Variants in HS6ST3 observed in about 807,000 individuals in gnomAD.
HS6ST3 encodes heparan-sulfate 6-O-sulfotransferase 3.
Under a neutral mutation model 36.7 loss-of-function variants are expected in HS6ST3, and 12 were observed. The observed-to-expected ratio is 0.33, with a 90% confidence interval of 0.21 to 0.53. HS6ST3 has a LOEUF of 0.53. Ranked by LOEUF, HS6ST3 falls within the 20% of genes least tolerant of loss-of-function variation. The pLI, the probability that HS6ST3 is intolerant of heterozygous loss-of-function variation, is 0.95. For synonymous variants in HS6ST3, 240 were observed against 257.5 expected, an observed-to-expected ratio of 0.93 and a Z score of 0.65; for missense variants, 584 against 640.9, an observed-to-expected ratio of 0.91 and a Z score of 0.96.
At chr13:96,305,571 A>G (rs963921776) in intron 1 of HS6ST3, among the ~76,000 whole-genome samples, 12 of 152,294 alleles carry the variant, frequency 7.9e-5, no homozygotes, top group Admixed American at 7.8e-4. Flanking sequence ...AAAATAATGT[A>G]CATTTTTTAC....
At chr13:96,364,764 G>A (rs1398405440) in intron 1 of HS6ST3, among the ~76,000 whole-genome samples, 1 of 152,130 alleles carries the variant, frequency 6.6e-6, no homozygotes, top group Non-Finnish European at 1.5e-5. Context: ...CTCAAGTTTT[G>A]TGTTATGTAT....
intron 1 of HS6ST3, among the ~76,000 whole-genome samples, chr13:96,241,428 G>T (rs896823535): frequency 1.3e-5 from 2 of 151,246 alleles, no homozygotes; most frequent in African/African-American, 4.9e-5. Context: ...TGAAATAATT[G>T]AAAAAAAGCA....
Position 96,408,218 on chromosome 13 carries a change from A to G in HS6ST3, c.707+316649A>G, listed in dbSNP as rs1339486771. On this transcript the variant is annotated intron_variant, in intron 1 of 1. Transcript: ENST00000376705. ...CTCCCAAAGTGCTGGGATTACAAGT[A>G]TGAGCCACCATGCCTAGCCTGCATT... Among the ~76,000 whole-genome samples the G allele has an allele frequency of 2.0e-4, 30 of 152,062 alleles. 1 individual carries two copies. The highest frequency in any genetic ancestry group is 1.9e-3 in the Admixed American group (29 of 15,262).
At chr13:96,132,164 AC>A (rs2053979425) in intron 1 of HS6ST3, among the ~76,000 whole-genome samples, 1 of 150,548 alleles carries the variant, frequency 6.6e-6, no homozygotes, top group Non-Finnish European at 1.5e-5. Context: ...ACACACACAC[AC>A]ACACACAGAG....
chr13:96,498,010 C>T (rs764076177), intron 1 of HS6ST3, among the ~76,000 whole-genome samples: 1 of 152,136 alleles, frequency 6.6e-6, no homozygotes, highest in Non-Finnish European at 1.5e-5. Context: ...TGGTTATATA[C>T]CCTTCTTCTT....
At chr13:96,339,603 A>G (rs893974883) in intron 1 of HS6ST3, among the ~76,000 whole-genome samples, 2 of 152,222 alleles carry the variant, frequency 1.3e-5, no homozygotes, top group African/African-American at 4.8e-5. Flanking sequence ...ATCAAAGACT[A>G]TCAAGCGATC....
chr13:96,749,419 A>T (rs1444649405), intron 1 of HS6ST3, among the ~76,000 whole-genome samples: 15 of 152,168 alleles, frequency 9.9e-5, no homozygotes, highest in Admixed American at 9.2e-4. Context: ...ATTTGTCAGT[A>T]AACATGTAGA....
intron 1 of HS6ST3, among the ~76,000 whole-genome samples, chr13:96,655,037 G>T (rs1037747967): frequency 3.3e-5 from 5 of 152,072 alleles, no homozygotes; most frequent in African/African-American, 1.2e-4. Context: ...GTCTTGGCTG[G>T]CTCACCAGTG....
intron 1 of HS6ST3, among the ~76,000 whole-genome samples, chr13:96,700,048 A>G (rs1252048453): frequency 2.0e-5 from 3 of 152,204 alleles, no homozygotes; most frequent in Non-Finnish European, 4.4e-5. Flanking sequence ...ATTTATTGAC[A>G]GTCTGGACCC....
intron 1 of HS6ST3, among the ~76,000 whole-genome samples, chr13:96,292,842 A>G (rs2054836788): frequency 6.6e-6 from 1 of 152,116 alleles, no homozygotes; most frequent in Non-Finnish European, 1.5e-5. Context: ...TTCACATTTT[A>G]CAGTGAAAAT....
intron 1 of HS6ST3, among the ~76,000 whole-genome samples, chr13:96,441,758 A>G (rs1203432628): frequency 6.6e-6 from 1 of 152,180 alleles, no homozygotes; most frequent in Non-Finnish European, 1.5e-5. Flanking sequence ...TATACAAAAT[A>G]CATTAGAAGA....
chr13:96,260,605 A>T (rs1180758998), intron 1 of HS6ST3, among the ~76,000 whole-genome samples: 1 of 147,892 alleles, frequency 6.8e-6, no homozygotes, highest in Non-Finnish European at 1.5e-5. Context: ...GGCAGGAGCC[A>T]CCGTGCCCGG....
At chr13:96,205,155 G>C (rs189986594) in intron 1 of HS6ST3, among the ~76,000 whole-genome samples, 1 of 152,020 alleles carries the variant, frequency 6.6e-6, no homozygotes, top group African/African-American at 2.4e-5. Context: ...TATTACCACT[G>C]ACCCCAAGAA....
At chr13:96,693,742 C>T (rs1875044190) in intron 1 of HS6ST3, among the ~76,000 whole-genome samples, 1 of 152,190 alleles carries the variant, frequency 6.6e-6, no homozygotes, top group South Asian at 2.1e-4. Flanking sequence ...CCATCCTTTA[C>T]AAAAGTTCAA....
At position 96,774,322 on chromosome 13, in the gene HS6ST3, G is replaced by T. The variant is rs144551992; in HGVS notation, c.708-58168G>T. Among the ~76,000 whole-genome samples the T allele has an allele frequency of 3.0e-3, 454 of 152,104 alleles. 1 individual carries two copies. Among genetic ancestry groups the T allele is most frequent in the Admixed American group, 5.0e-3 (77 of 15,282 alleles). Reference sequence around the variant, plus strand: ...CCAGAAAGAGAACAAAACTGGACAGGGAATGAATTTGACAAATTGACAGAA... The same window carrying T: ...CCAGAAAGAGAACAAAACTGGACAGTGAATGAATTTGACAAATTGACAGAA... On this transcript the variant is annotated intron_variant, in intron 1 of 1. Transcript: ENST00000376705.
At position 96,590,899 on chromosome 13, in the gene HS6ST3, T is replaced by C. The variant is rs139395239; in HGVS notation, c.708-241591T>C. On this transcript the variant is annotated intron_variant, in intron 1 of 1. Transcript: ENST00000376705. ...AAGAGAAAGGGGCCTAGTTTCATTC[T>C]TCTGCATTGGATATCCAGTTTATCA... Among the ~76,000 whole-genome samples the C allele has an allele frequency of 4.0e-3, 611 of 152,264 alleles. 5 individuals carry two copies. The highest frequency in any genetic ancestry group is 0.013 in the African/African-American group (560 of 41,586).
chr13:96,822,743 G>T (rs1195073386), intron 1 of HS6ST3, among the ~76,000 whole-genome samples: 2 of 152,134 alleles, frequency 1.3e-5, no homozygotes, highest in Admixed American at 1.3e-4. Flanking sequence ...ATTAAAGTTA[G>T]CTGACACCCA....
chr13:96,574,231 T>A (rs2056312493), intron 1 of HS6ST3: 1 of 477,944 alleles, frequency 2.1e-6, no homozygotes, highest in Non-Finnish European at 4.2e-6. Context: ...AGGATGCTAG[T>A]GATTACCTGG....
rs778251002 is a variant in HS6ST3, at chr13:96,832,895, G to A, written c.1113G>A (p.Lys371=). The A allele has an allele frequency of 1.2e-6, 2 of 1,614,184 alleles. No homozygotes were observed. The highest frequency in any genetic ancestry group is 2.2e-5 in the South Asian group (2 of 91,078). ...QFLFERTFNL[K]FISPFTQFNI... ...TCTTTGAGAGAACATTCAACCTCAA[G>A]TTCATCTCCCCCTTCACACAGTTCA... Residue 371 remains lysine (K), a synonymous_variant, in exon 2 of 2, where the codon AAG becomes AAA. Coordinates refer to ENST00000376705, the MANE Select transcript of HS6ST3 (RefSeq NM_153456.4).
Sources: allele counts gnomAD v4.1 joint callset (sites outside exome capture counted in the v4.1 genomes callset), GRCh38; gene constraint gnomAD v4.1.1; transcripts MANE v1.5; gene names NCBI Gene and HGNC (gene_info 2026-07-23, HGNC 2026-07-21).